The following ATP8B4 variants were observed in gnomAD, a reference collection of about 807,000 sequenced individuals.
ATP8B4 encodes the protein probable phospholipid-transporting ATPase IM.
Under a neutral mutation model 145.6 loss-of-function variants are expected in ATP8B4, and 133 were observed. The ratio of observed to expected loss-of-function variants is 0.91; its 90% CI spans 0.79 to 1.05. The LOEUF (loss-of-function observed/expected upper bound fraction) is 1.05, where lower values mean the gene tolerates loss of function less well. Ranked by LOEUF, ATP8B4 falls within the 50% of genes least tolerant of loss-of-function variation. ATP8B4 has a pLI of 0.00. For synonymous variants in ATP8B4, 507 were observed against 492.9 expected, an observed-to-expected ratio of 1.03 and a Z score of -0.38; for missense variants, 1,458 against 1,425.2, an observed-to-expected ratio of 1.02 and a Z score of -0.37.
At chr15:50,078,160 T>C (rs751729582) in intron 2 of ATP8B4, among the ~76,000 whole-genome samples, 1 of 151,912 alleles carries the variant, frequency 6.6e-6, no homozygotes, top group Non-Finnish European at 1.5e-5. Flanking sequence ...CATAGATATA[T>C]AGGTTTTTTA....
intron 1 of ATP8B4, among the ~76,000 whole-genome samples, chr15:50,153,680 C>T (rs955583429): frequency 3.3e-5 from 5 of 152,044 alleles, no homozygotes; most frequent in East Asian, 3.8e-4. Flanking sequence ...CAATGATGCA[C>T]GACCTACAAA....
chr15:50,055,476 C>T (rs954674400), intron 3 of ATP8B4, among the ~76,000 whole-genome samples: 1 of 152,196 alleles, frequency 6.6e-6, no homozygotes, highest in Non-Finnish European at 1.5e-5. Context: ...TGTCCAGAGA[C>T]ACTGCCTACG....
At chr15:49,980,881 G>GA (rs1299933744) in intron 11 of ATP8B4, among the ~76,000 whole-genome samples, 5 of 152,100 alleles carry the variant, frequency 3.3e-5, no homozygotes, top group African/African-American at 4.8e-5. Flanking sequence ...TACAGGATCT[G>GA]AAAAAAAGTA....
At chr15:50,164,428 G>T (rs1017993458) in intron 1 of ATP8B4, among the ~76,000 whole-genome samples, 1 of 152,150 alleles carries the variant, frequency 6.6e-6, no homozygotes, top group Non-Finnish European at 1.5e-5. Context: ...AGTGTCATCT[G>T]GGAGCTAGGG....
intron 3 of ATP8B4, among the ~76,000 whole-genome samples, chr15:50,064,386 ACAGTCTT>A (rs553775058): frequency 6.6e-6 from 1 of 152,130 alleles, no homozygotes; most frequent in Non-Finnish European, 1.5e-5. Flanking sequence ...ATTTAGATCA[ACAGTCTT>A]GGCATGTGAC....
intron 1 of ATP8B4, 80 bp from the exon 2 acceptor site, chr15:50,107,088 G>A: frequency 1.1e-6 from 1 of 897,980 alleles, no homozygotes; most frequent in Non-Finnish European, 1.6e-6. Flanking sequence ...TTTCTTCCTA[G>A]ACAAATCTAG....
At chr15:50,034,795 C>T (rs1048903915) in intron 6 of ATP8B4, among the ~76,000 whole-genome samples, 2 of 152,170 alleles carry the variant, frequency 1.3e-5, no homozygotes, top group African/African-American at 4.8e-5. Flanking sequence ...TCTGCAGGAA[C>T]TTTCAGGATC....
chr15:49,963,279 G>A (rs1567090242), intron 13 of ATP8B4, among the ~76,000 whole-genome samples: 1 of 152,196 alleles, frequency 6.6e-6, no homozygotes, highest in African/African-American at 2.4e-5. Context: ...AACAGGTGCT[G>A]GCAAGGTTGT....
At chr15:50,131,070 C>T (rs1332056510) in intron 1 of ATP8B4, among the ~76,000 whole-genome samples, 4 of 152,000 alleles carry the variant, frequency 2.6e-5, no homozygotes, top group South Asian at 2.1e-4. Context: ...GAAAGAGCCC[C>T]TTATAAAACC....
chr15:50,008,266 C>T (rs745847313), intron 7 of ATP8B4, among the ~76,000 whole-genome samples: 7 of 152,164 alleles, frequency 4.6e-5, no homozygotes, highest in Non-Finnish European at 7.3e-5. Flanking sequence ...GGTCATGTGG[C>T]GCCACTCCCA....
In ATP8B4 at chr15:50,156,093, A is replaced by AAT. The variant is rs1491059073; in HGVS notation, c.-43+26166_-43+26167dup. On this transcript the variant is annotated intron_variant, in intron 1 of 3. Transcript: ENST00000558829. ...AAATAAATATATATATATATATATA[A>AAT]ATATATATATATAAATATATATATA... Among the ~76,000 whole-genome samples the AAT allele has an allele frequency of 1.7e-3, 21 of 12,030 alleles. 2 individuals carry two copies. Among genetic ancestry groups the AAT allele is most frequent in the East Asian group, 0.017 (5 of 302 alleles). 7.9% of individuals were successfully genotyped at this position (12,030 alleles called of 152,430 possible).
intron 1 of ATP8B4, among the ~76,000 whole-genome samples, chr15:50,133,947 C>T (rs2044085515): frequency 6.6e-6 from 1 of 151,908 alleles, no homozygotes; most frequent in East Asian, 1.9e-4. Context: ...CCAGCCTGGG[C>T]ACCATAGCAA....
intron 1 of ATP8B4, among the ~76,000 whole-genome samples, chr15:50,153,291 C>CA (rs1228060622): frequency 6.7e-6 from 1 of 149,592 alleles, no homozygotes; most frequent in Admixed American, 6.7e-5. Flanking sequence ...CAGAAGCTGA[C>CA]AAAAAAGTTG....
intron 2 of ATP8B4, among the ~76,000 whole-genome samples, chr15:50,085,090 G>C (rs975813648): frequency 3.9e-5 from 6 of 152,142 alleles, no homozygotes; most frequent in African/African-American, 1.4e-4. Context: ...ACAGAAGCCA[G>C]TTGTTACCAA....
rs147233580 is a variant in ATP8B4 at position 50,035,326 on chromosome 15, T to C, written c.362+3442A>G. Among the ~76,000 whole-genome samples the C allele has an allele frequency of 8.6e-3, 1,312 of 152,292 alleles. 13 individuals carry two copies. The highest frequency in any genetic ancestry group is 0.036 in the South Asian group (176 of 4,830). On this transcript the variant is annotated intron_variant, in intron 6 of 27. Transcript: ENST00000284509. ...GTGTACTTACATATGCAAATTAACA[T>C]ATAGGTAAACTACATATATATTACA... is the stretch of plus-strand genomic sequence containing the variant.
intron 1 of ATP8B4, among the ~76,000 whole-genome samples, chr15:50,169,621 C>T (rs996989739): frequency 2.6e-5 from 4 of 152,178 alleles, no homozygotes; most frequent in South Asian, 2.1e-4. Flanking sequence ...AACCAAGGCT[C>T]GTCAACATCC....
chr15:49,910,807 A>G (rs372099509), intron 20 of ATP8B4, among the ~76,000 whole-genome samples: 20 of 152,298 alleles, frequency 1.3e-4, no homozygotes, highest in African/African-American at 4.8e-4. Flanking sequence ...TTGTGGAGAA[A>G]TAAAATTACC....
chr15:50,149,080 A>ATTGATGATAAG (rs2044314266), intron 1 of ATP8B4, among the ~76,000 whole-genome samples: 2 of 152,222 alleles, frequency 1.3e-5, no homozygotes, highest in Non-Finnish European at 2.9e-5. Flanking sequence ...AATCAATACT[A>ATTGATGATAAG]CAGAGATGAT....
At position 50,125,055 on chromosome 15, in the gene ATP8B4, T is replaced by C. The variant is rs150149058; in HGVS notation, c.-42-18047A>G. ...CTTGCTATCAGGGGAGTATAGTATC[T>C]TCTTTGCACATAATGGGTATCCAGT... On this transcript the variant is annotated intron_variant, in intron 1 of 3. Transcript: ENST00000558829. Among the ~76,000 whole-genome samples the C allele has an allele frequency of 1.6e-4, 25 of 152,342 alleles. No individual in the cohort carries two copies. In the East Asian group the frequency reaches 4.8e-3, roughly 29 times the overall value.
Sources: allele counts gnomAD v4.1 joint callset (sites outside exome capture counted in the v4.1 genomes callset), GRCh38; gene constraint gnomAD v4.1.1; transcripts MANE v1.5; gene names NCBI Gene and HGNC (gene_info 2026-07-23, HGNC 2026-07-21).